PITPNM2: variants seen among roughly 807,000 people sequenced by gnomAD.
PITPNM2 encodes membrane-associated phosphatidylinositol transfer protein 2.
PITPNM2 carries 35 observed loss-of-function variants against 132.2 expected under a neutral mutation model. The ratio of observed to expected loss-of-function variants is 0.26; its 90% CI spans 0.20 to 0.35. The LOEUF (loss-of-function observed/expected upper bound fraction) is 0.35, where lower values mean the gene tolerates loss of function less well. PITPNM2 is among the 10% of genes least tolerant of loss of function. The pLI is 1.00. For missense variants in PITPNM2, 1,332 were observed against 1,912.0 expected (o/e 0.70, Z 5.66); for synonymous variants, 738 against 799.2 (o/e 0.92, Z 1.29).
In PITPNM2 at chr12:123,031,406, C is replaced by G. The variant is rs2040082707; in HGVS notation, c.78+3107G>C. Among the ~76,000 whole-genome samples the G allele has an allele frequency of 6.6e-6, 1 of 152,204 alleles. No individual in the cohort carries two copies. Among genetic ancestry groups the G allele is most frequent in the Non-Finnish European group, 1.5e-5 (1 of 68,026 alleles). On this transcript the variant is annotated intron_variant, in intron 3 of 25. Coordinates refer to ENST00000320201, the MANE Select transcript of PITPNM2 (RefSeq NM_020845.3). The surrounding 1 kb of genome is among the most constrained non-coding windows in gnomAD (Gnocchi z 4.5). Reference sequence around the variant, plus strand: ...ATGCATCCGCCTGTCTAAGACCCAGCTGGGGCAGGGCTGGCCAGCAGGGGC... The same window carrying G: ...ATGCATCCGCCTGTCTAAGACCCAGGTGGGGCAGGGCTGGCCAGCAGGGGC...
intron 1 of PITPNM2, among the ~76,000 whole-genome samples, chr12:123,148,665 G>C (rs1202640369): frequency 6.6e-6 from 1 of 152,158 alleles, no homozygotes; most frequent in Non-Finnish European, 1.5e-5. Context: ...AGGGCTCTCA[G>C]TGGTGATCTA....
intron 1 of PITPNM2, among the ~76,000 whole-genome samples, chr12:123,119,710 T>G (rs987268657): frequency 6.6e-6 from 1 of 152,114 alleles, no homozygotes; most frequent in African/African-American, 2.4e-5. Context: ...TCCATCCATG[T>G]GGCTCCATGA....
chr12:123,088,096 T>C (rs1033295445), intron 2 of PITPNM2: 2 of 152,382 alleles, frequency 1.3e-5, no homozygotes, highest in African/African-American at 4.8e-5. Flanking sequence ...TCCTCCAAGG[T>C]CGTGCCCCTG....
rs1331057477 is a variant in PITPNM2 at position 123,000,087 on chromosome 12, C to T, written c.1224+691G>A. Among the ~76,000 whole-genome samples, 2 of 151,554 alleles carry T rather than the reference C, an allele frequency of 1.3e-5. No homozygotes were observed. Among genetic ancestry groups the T allele is most frequent in the Admixed American group, 6.6e-5 (1 of 15,246 alleles). On this transcript the variant is annotated intron_variant, in intron 10 of 25. Transcript: ENST00000320201. The surrounding 1 kb of genome is among the most constrained non-coding windows in gnomAD (Gnocchi z 5.4). ...CTGTGTGGATGTCCCTCCTCCTCCC[C>T]GCCTAGATTCCCCGGGGGCCCGAGT...
At chr12:123,011,899 C>A (rs1044306107) in intron 5 of PITPNM2, among the ~76,000 whole-genome samples, 3 of 152,112 alleles carry the variant, frequency 2.0e-5, no homozygotes, top group African/African-American at 7.2e-5. Context: ...CGCTTTGTTT[C>A]GCAGACCCAG....
At chr12:123,109,583 G>T (rs1002222031) in intron 2 of PITPNM2, among the ~76,000 whole-genome samples, 8 of 152,200 alleles carry the variant, frequency 5.3e-5, no homozygotes, top group African/African-American at 1.9e-4. Flanking sequence ...ACCATGACTT[G>T]CGGGCAGCTG....
intron 1 of PITPNM2, among the ~76,000 whole-genome samples, chr12:123,123,305 T>C (rs2043068041): frequency 6.6e-6 from 1 of 152,178 alleles, no homozygotes; most frequent in Non-Finnish European, 1.5e-5. Flanking sequence ...GCCATTTGTG[T>C]TTAGCTTTGT....
Position 122,984,828 on chromosome 12 carries a change from C to T in PITPNM2, c.*1199G>A, listed in dbSNP as rs557626334. 3.3e-4 allele frequency: 50 copies of T among 152,418 alleles called. No individual in the cohort carries two copies. The highest frequency in any genetic ancestry group is 1.1e-3 in the African/African-American group (46 of 41,574). 9.4% of individuals were successfully genotyped at this position (152,418 alleles called of 1,614,324 possible). ...CCGTTGAGCGCCACAGCCAAGGTCACGCTTGGTGCTGGGGAGAGAGGGCAG... is the reference window on the plus strand; with the variant it reads ...CCGTTGAGCGCCACAGCCAAGGTCATGCTTGGTGCTGGGGAGAGAGGGCAG... On this transcript the variant is annotated 3_prime_UTR_variant, in exon 26 of 26. Coordinates refer to ENST00000320201, the MANE Select transcript of PITPNM2 (RefSeq NM_020845.3).
At chr12:123,114,860 C>T (rs900867383) in intron 1 of PITPNM2, among the ~76,000 whole-genome samples, 1 of 152,224 alleles carries the variant, frequency 6.6e-6, no homozygotes, top group African/African-American at 2.4e-5. Flanking sequence ...ACCGCTGCTT[C>T]ACCTCACTGA....
At chr12:123,074,028 C>G (rs1308711885) in intron 2 of PITPNM2, among the ~76,000 whole-genome samples, 1 of 152,180 alleles carries the variant, frequency 6.6e-6, no homozygotes, top group African/African-American at 2.4e-5. Flanking sequence ...AGCCCAGCAG[C>G]CATGCCCGGT....
chr12:123,052,768 C>T lies in PITPNM2; in HGVS notation c.-95-18083G>A, dbSNP rs11061589. On this transcript the variant is annotated intron_variant, in intron 2 of 25. Transcript: ENST00000320201. ...AATATATTCAGTTGAATGAAATTTG[C>T]TAATATTTTATTTAAGTTTTTTTTT... 3.8e-3 allele frequency among the ~76,000 whole-genome samples: 552 copies of T among 146,306 alleles called. 13 individuals carry two copies. Among genetic ancestry groups the T allele is most frequent in the Admixed American group, 0.033 (469 of 14,336 alleles).
At chr12:123,010,496 T>C (rs897497329) in intron 5 of PITPNM2, among the ~76,000 whole-genome samples, 47 of 152,042 alleles carry the variant, frequency 3.1e-4, no homozygotes, top group African/African-American at 1.1e-3. Context: ...TGAATTTCCA[T>C]GAAGAATACA....
At chr12:123,144,735 TTG>T (rs1386121151) in intron 1 of PITPNM2, among the ~76,000 whole-genome samples, 1 of 152,156 alleles carries the variant, frequency 6.6e-6, no homozygotes. Flanking sequence ...CAGCCAATTT[TTG>T]TATTTTTAGT....
At chr12:123,123,113 T>C (rs1195744640) in intron 1 of PITPNM2, among the ~76,000 whole-genome samples, 1 of 152,232 alleles carries the variant, frequency 6.6e-6, no homozygotes, top group Non-Finnish European at 1.5e-5. Context: ...CTTCCCATCT[T>C]CTGCTCTTAC....
chr12:123,096,156 G>A (rs1000800324), intron 2 of PITPNM2, among the ~76,000 whole-genome samples: 2 of 152,208 alleles, frequency 1.3e-5, no homozygotes, highest in Non-Finnish European at 2.9e-5. Context: ...ATTGGGACAG[G>A]GGGACAGACC....
chr12:123,054,972 G>A (rs919892659), intron 2 of PITPNM2, among the ~76,000 whole-genome samples: 1 of 152,154 alleles, frequency 6.6e-6, no homozygotes, highest in Non-Finnish European at 1.5e-5. Flanking sequence ...GCTGAGGCAG[G>A]AGAATCACTT....
rs370158396 is a variant in PITPNM2, at chr12:123,009,742, C to T, written c.643+108G>A. 86 of 1,087,840 alleles carry T rather than the reference C, an allele frequency of 7.9e-5. No individual in the cohort carries two copies. The East Asian group carries it at 1.5e-3, about 19-fold the overall frequency. The allele number at this position is 1,087,840 out of a possible 1,614,324, so 67.4% of individuals were successfully genotyped here. On this transcript the variant is annotated intron_variant, in intron 6 of 25. Transcript: ENST00000320201. This position sits in a 1 kb window ranked among gnomAD's most constrained non-coding sequence, Gnocchi z 4.8. ...TCACCTTCCCAGAACAAAACAGAAACGCAGACTCCCAGGCAGACATGCAAA... is the reference window on the plus strand; with the variant it reads ...TCACCTTCCCAGAACAAAACAGAAATGCAGACTCCCAGGCAGACATGCAAA...
rs1197551069 is a variant in PITPNM2 at position 122,983,480 on chromosome 12, G to A, written c.*2547C>T. On this transcript the variant is annotated 3_prime_UTR_variant, in exon 26 of 26. Transcript: ENST00000320201. ...CCACTGCAGTAAAGAGATCCAGAAG[G>A]AAGCCTTCCCGCTTCTTTAATTGGT... 1 of 152,704 alleles carries A rather than the reference G, an allele frequency of 6.5e-6. No individual in the cohort carries two copies. Among genetic ancestry groups the A allele is most frequent in the Non-Finnish European group, 1.5e-5 (1 of 68,128 alleles). 9.5% of individuals were successfully genotyped at this position (152,704 alleles called of 1,614,324 possible).
chr12:123,010,480 G>A (rs1003277394), intron 5 of PITPNM2, among the ~76,000 whole-genome samples: 2 of 152,178 alleles, frequency 1.3e-5, no homozygotes, highest in Non-Finnish European at 1.5e-5. Context: ...GGAAACACTG[G>A]GGAGATGAAT....
Sources: gnomAD v4.1 joint callset for allele counts (sites outside exome capture counted in the v4.1 genomes callset) on GRCh38, gnomAD v4.1.1 for gene constraint, Gnocchi (gnomAD v3.1) non-coding constraint, MANE v1.5 for transcripts, NCBI Gene and HGNC (gene_info 2026-07-23, HGNC 2026-07-21) for gene names.